Variants in PPFIA1 observed in about 807,000 individuals in gnomAD.
PPFIA1 encodes liprin-alpha-1.
In PPFIA1, 25 loss-of-function variants were observed where a neutral mutation model predicts 149.9. That is an observed-to-expected ratio of 0.17 (90% CI 0.12 to 0.23). PPFIA1 has a LOEUF of 0.23. Among genes scored for constraint, PPFIA1 ranks in the 10% least tolerant of loss-of-function variants. The pLI is 1.00. For missense variants in PPFIA1, 1,362 were observed against 1,506.5 expected, an observed-to-expected ratio of 0.90 and a Z score of 1.59; for synonymous variants, 549 against 552.8, an observed-to-expected ratio of 0.99 and a Z score of 0.10.
chr11:70,331,778 TCAAAAACAAAAACAAAAA>T (rs71049906), intron 8 of PPFIA1, among the ~76,000 whole-genome samples, 164 bp from the exon 9 acceptor site: 14 of 150,374 alleles, frequency 9.3e-5, no homozygotes, highest in South Asian at 2.1e-4. Context: ...AGACTATGTC[TCAAAAACAAAAACAAAAA>T]CAAAAACAAA....
chr11:70,295,814 T>TGCCGGGCGGAGCG (rs1180622740), intron 2 of PPFIA1, among the ~76,000 whole-genome samples: 2 of 148,786 alleles, frequency 1.3e-5, no homozygotes, highest in African/African-American at 5.0e-5. Context: ...ACGGGGCGGC[T>TGCCGGGCGGAGCG]GCTGGGCGGA....
chr11:70,277,898 T>TTTTTGTTTTG lies in PPFIA1; in HGVS notation c.264+5482_264+5491dup, dbSNP rs749285915. On this transcript the variant is annotated intron_variant, in intron 2 of 27. Transcript: ENST00000253925. Reference sequence around the variant, plus strand: ...TGAAAATTTTCTATTTTGCCTTTAGTTTTTGTTTTGTTTTGTTTTGTTTTG... The same window carrying TTTTTGTTTTG: ...TGAAAATTTTCTATTTTGCCTTTAGTTTTTGTTTTGTTTTGTTTTGTTTTGTTTTGTTTTG... Among the ~76,000 whole-genome samples, 56 of 152,130 alleles carry TTTTTGTTTTG rather than the reference T, an allele frequency of 3.7e-4. 1 individual carries two copies. The highest frequency in any genetic ancestry group is 5.9e-5 in the Non-Finnish European group (4 of 67,996).
At chr11:70,370,571 G>A (rs1447030670) in intron 21 of PPFIA1, among the ~76,000 whole-genome samples, 1 of 151,902 alleles carries the variant, frequency 6.6e-6, no homozygotes, top group Non-Finnish European at 1.5e-5. Flanking sequence ...ATCTTTAGTA[G>A]AGATGGGATT....
chr11:70,350,690 G>A (rs1331577171), intron 16 of PPFIA1, among the ~76,000 whole-genome samples: 1 of 152,092 alleles, frequency 6.6e-6, no homozygotes, highest in African/African-American at 2.4e-5. Flanking sequence ...TTATAGAGAG[G>A]TTTGGCTTAG....
At position 70,339,262 on chromosome 11, in the gene PPFIA1, C is replaced by T; in HGVS notation, c.1663C>T (p.Pro555Ser). The change falls in exon 14 of 28, where the codon CCA (proline) becomes TCA (serine). Residue 555 changes from proline (P) to serine (S), a missense_variant. This residue lies in a region of PPFIA1 where 733 missense variants were observed against 744.1 expected (regional missense o/e 0.99). Transcript: ENST00000253925. Reference protein sequence around the residue: ...SYSTSAVLRRPQKGRLAALRD... With the variant: ...SYSTSAVLRRSQKGRLAALRD... ...CAGCACCAGTGCAGTGCTGCGGCGC[C>T]CACAGAAAGGCCGGCTGGCAGCCCT... The T allele has an allele frequency of 6.2e-7, 1 of 1,614,148 alleles. No individual in the cohort carries two copies. The highest frequency in any genetic ancestry group is 1.1e-5 in the South Asian group (1 of 91,086).
chr11:70,305,179 C>T (rs2052766166), intron 2 of PPFIA1, among the ~76,000 whole-genome samples: 1 of 152,112 alleles, frequency 6.6e-6, no homozygotes, highest in Non-Finnish European at 1.5e-5. Context: ...CAATTGATGC[C>T]CAAATGGCTC....
rs930696910 is a variant in PPFIA1, at chr11:70,283,115, CAGGCATG to C, written c.264+10682_264+10688del. Among the ~76,000 whole-genome samples the C allele has an allele frequency of 4.6e-5, 7 of 151,420 alleles. No homozygotes were observed. In the East Asian group the frequency reaches 1.2e-3, roughly 25 times the overall value. Reference sequence around the variant, plus strand: ...TCAGCCTCCCACAGTGCTGGGATTACAGGCATGAGCCATCATGCCTGACCGACTGACC... The same window carrying C: ...TCAGCCTCCCACAGTGCTGGGATTACAGCCATCATGCCTGACCGACTGACC... On this transcript the variant is annotated intron_variant, in intron 2 of 27. Transcript: ENST00000253925.
intron 2 of PPFIA1, among the ~76,000 whole-genome samples, chr11:70,304,273 C>T (rs2136400719): frequency 6.6e-6 from 1 of 152,234 alleles, no homozygotes; most frequent in African/African-American, 2.4e-5. Context: ...CACCCCTTCC[C>T]ACATACTTTG....
intron 2 of PPFIA1, among the ~76,000 whole-genome samples, chr11:70,305,915 G>T (rs192043847): frequency 6.6e-6 from 1 of 152,304 alleles, no homozygotes; most frequent in African/African-American, 2.4e-5. Context: ...TTAGGTAATA[G>T]GGTATTTTAA....
intron 2 of PPFIA1, among the ~76,000 whole-genome samples, chr11:70,277,902 T>C (rs765656553): frequency 6.6e-6 from 1 of 151,976 alleles, no homozygotes; most frequent in East Asian, 1.9e-4. Flanking sequence ...CTTTAGTTTT[T>C]GTTTTGTTTT....
At chr11:70,315,093 C>G (rs2053521208) in intron 2 of PPFIA1, among the ~76,000 whole-genome samples, 1 of 152,146 alleles carries the variant, frequency 6.6e-6, no homozygotes, top group Admixed American at 6.5e-5. Flanking sequence ...CTGGTCCTGC[C>G]CTCAACACAT....
At chr11:70,339,604 G>A (rs971650356) in intron 14 of PPFIA1, among the ~76,000 whole-genome samples, 2 of 147,980 alleles carry the variant, frequency 1.4e-5, no homozygotes, top group Non-Finnish European at 3.0e-5. Flanking sequence ...ACAGGTGTGA[G>A]CCACCGTGCC....
At chr11:70,363,648 G>A (rs1299342783) in intron 21 of PPFIA1, among the ~76,000 whole-genome samples, 3 of 149,236 alleles carry the variant, frequency 2.0e-5, no homozygotes, top group Admixed American at 1.3e-4. Context: ...CAAGTAGTTG[G>A]GACTACAGGT....
At chr11:70,367,927 A>G (rs1442386790) in intron 21 of PPFIA1, among the ~76,000 whole-genome samples, 1 of 152,184 alleles carries the variant, frequency 6.6e-6, no homozygotes, top group East Asian at 1.9e-4. Context: ...CTTTCAGCCC[A>G]GGAGTTCAAG....
intron 14 of PPFIA1, chr11:70,341,142 G>A (rs1289852113): frequency 3.1e-6 from 1 of 322,826 alleles, no homozygotes; most frequent in Non-Finnish European, 6.0e-6. Flanking sequence ...TGTTAAAAGT[G>A]TTTGTGGACA....
intron 1 of PPFIA1, among the ~76,000 whole-genome samples, chr11:70,271,608 C>T (rs1590997813): frequency 6.6e-6 from 1 of 152,066 alleles, no homozygotes; most frequent in East Asian, 1.9e-4. Flanking sequence ...TTAACGAATC[C>T]GGTTCCTTTT....
intron 7 of PPFIA1, chr11:70,329,840 A>G: frequency 4.4e-6 from 1 of 228,156 alleles, no homozygotes. Flanking sequence ...AGGTGGAAGG[A>G]TCCCTTGAGC....
intron 25 of PPFIA1, 114 bp downstream of exon 25, chr11:70,376,714 G>C (rs2057505813): frequency 3.2e-6 from 3 of 924,764 alleles, no homozygotes. Flanking sequence ...TAGCTAGGCA[G>C]TCTCTCTGGA....
At position 70,382,033 on chromosome 11, in the gene PPFIA1, C is replaced by T. The variant is rs1460745875; in HGVS notation, c.3551-55C>T. ...TCTACTTGTGCCCTCATGTGATGTT[C>T]TAAGACTAACTGCACGCTGTGTTTG... On this transcript the variant is annotated intron_variant, in intron 26 of 27. Transcript: ENST00000253925. The T allele has an allele frequency of 1.1e-5, 17 of 1,525,360 alleles. No homozygotes were observed. In the East Asian group the frequency reaches 2.7e-4, roughly 24 times the overall value. 94.5% of individuals were successfully genotyped at this position (1,525,360 alleles called of 1,614,324 possible).
Sources: allele counts gnomAD v4.1 joint callset (sites outside exome capture counted in the v4.1 genomes callset), GRCh38; gene constraint gnomAD v4.1.1; regional missense constraint gnomAD v4.1.1; transcripts MANE v1.5; gene names NCBI Gene and HGNC (gene_info 2026-07-23, HGNC 2026-07-21).